CNBD1: variants seen among roughly 807,000 people sequenced by gnomAD.
The protein encoded by CNBD1 is cyclic nucleotide binding domain containing 1, also known as cyclic nucleotide-binding domain-containing protein 1.
In CNBD1, 71 loss-of-function variants were observed where a neutral mutation model predicts 54.4. The ratio of observed to expected loss-of-function variants is 1.30; its 90% CI spans 1.08 to 1.59. The LOEUF (loss-of-function observed/expected upper bound fraction) is 1.59, where lower values mean the gene tolerates loss of function less well. Ranked by LOEUF, CNBD1 falls within the 40% of genes most tolerant of loss-of-function variation. The pLI, the probability that CNBD1 is intolerant of heterozygous loss-of-function variation, is 0.00. For missense variants in CNBD1, 659 were observed against 518.0 expected, an observed-to-expected ratio of 1.27 and a Z score of -2.64; for synonymous variants, 182 against 170.7, an observed-to-expected ratio of 1.07 and a Z score of -0.51.
At chr8:87,271,398 T>A (rs1324601940) in intron 6 of CNBD1, among the ~76,000 whole-genome samples, 2 of 152,018 alleles carry the variant, frequency 1.3e-5, no homozygotes, top group Non-Finnish European at 2.9e-5. Flanking sequence ...TGAACTTATC[T>A]CTTAATACTG....
At position 87,376,141 on chromosome 8, in the gene CNBD1, G is replaced by A. The variant is rs184713080; in HGVS notation, c.1304-6479G>A. On this transcript the variant is annotated intron_variant, in intron 10 of 10. Coordinates refer to ENST00000518476, the MANE Select transcript of CNBD1 (RefSeq NM_173538.3). ...ACTGTAAAGGAAATATAGTTTAGAT[G>A]AGCTCTCAGTTCATACTGCTTCAAT... Among the ~76,000 whole-genome samples the A allele has an allele frequency of 5.3e-3, 807 of 152,000 alleles. 5 individuals are homozygous for A. The highest frequency in any genetic ancestry group is 9.3e-3 in the Non-Finnish European group (630 of 67,924).
At chr8:86,903,886 A>G (rs1224119514) in intron 2 of CNBD1, among the ~76,000 whole-genome samples, 11 of 151,732 alleles carry the variant, frequency 7.2e-5, no homozygotes, top group Admixed American at 7.2e-4. Flanking sequence ...TTTCCTGGGA[A>G]GCCTCTAATA....
At chr8:87,138,563 A>G (rs1812307512) in intron 4 of CNBD1, among the ~76,000 whole-genome samples, 1 of 152,192 alleles carries the variant, frequency 6.6e-6, no homozygotes, top group Non-Finnish European at 1.5e-5. Context: ...TAGTGGAAAT[A>G]GTGTTTTCTC....
intron 4 of CNBD1, among the ~76,000 whole-genome samples, chr8:86,995,035 G>A (rs1808837935): frequency 6.6e-6 from 1 of 152,148 alleles, no homozygotes; most frequent in Non-Finnish European, 1.5e-5. Flanking sequence ...CAACTTGTAT[G>A]AGGATCTTTA....
chr8:87,382,597 GT>G, intron 10 of CNBD1, 22 bp from the exon 11 acceptor site: 1 of 1,521,434 alleles, frequency 6.6e-7, no homozygotes, highest in South Asian at 1.2e-5. Context: ...GTAACTTCTT[GT>G]TTGTTTGTTT....
chr8:87,210,372 C>G (rs879428396), intron 5 of CNBD1, among the ~76,000 whole-genome samples: 2 of 152,194 alleles, frequency 1.3e-5, no homozygotes, highest in Admixed American at 1.3e-4. Context: ...GGAGCAACCA[C>G]TTGTTAGAAA....
At chr8:87,366,175 G>A (rs1810637896) in intron 10 of CNBD1, among the ~76,000 whole-genome samples, 1 of 151,994 alleles carries the variant, frequency 6.6e-6, no homozygotes, top group Non-Finnish European at 1.5e-5. Context: ...CAGTTTTGTA[G>A]GTCAGATGTC....
intron 4 of CNBD1, among the ~76,000 whole-genome samples, chr8:86,995,614 A>G (rs1054970298): frequency 6.6e-6 from 1 of 152,110 alleles, no homozygotes; most frequent in Non-Finnish European, 1.5e-5. Context: ...AAGCACAAGG[A>G]CATTAAAGGG....
At chr8:87,106,260 C>T (rs1811534246) in intron 4 of CNBD1, among the ~76,000 whole-genome samples, 1 of 151,480 alleles carries the variant, frequency 6.6e-6, no homozygotes, top group Non-Finnish European at 1.5e-5. Flanking sequence ...GTTGCCCAGG[C>T]AGGAGCACAT....
intron 4 of CNBD1, among the ~76,000 whole-genome samples, chr8:87,108,275 CT>C (rs2130701137): frequency 6.6e-6 from 1 of 152,100 alleles, no homozygotes; most frequent in East Asian, 1.9e-4. Flanking sequence ...AATCGTAATA[CT>C]ACAATTTCAA....
In CNBD1 at chr8:87,207,549, G is replaced by A. The variant is rs930504550; in HGVS notation, c.577+1411G>A. On this transcript the variant is annotated intron_variant, in intron 5 of 10. Coordinates refer to ENST00000518476, the MANE Select transcript of CNBD1 (RefSeq NM_173538.3). Reference sequence around the variant, plus strand: ...TCAAAAATACATATTTTTAAAAATTGTTGCCTTAGTGTAGGGGAGTGAAAT... The same window carrying A: ...TCAAAAATACATATTTTTAAAAATTATTGCCTTAGTGTAGGGGAGTGAAAT... Among the ~76,000 whole-genome samples, 6 of 152,068 alleles carry A rather than the reference G, an allele frequency of 3.9e-5. No individual in the cohort carries two copies. The South Asian group carries it at 6.2e-4, about 16-fold the overall frequency.
At chr8:86,917,513 C>G (rs1809205888) in intron 3 of CNBD1, among the ~76,000 whole-genome samples, 1 of 152,088 alleles carries the variant, frequency 6.6e-6, no homozygotes, top group African/African-American at 2.4e-5. Context: ...CTGAGGGGGT[C>G]TAGAATTTCC....
At chr8:87,097,456 G>A (rs1811343226) in intron 4 of CNBD1, among the ~76,000 whole-genome samples, 1 of 152,126 alleles carries the variant, frequency 6.6e-6, no homozygotes, top group Non-Finnish European at 1.5e-5. Flanking sequence ...ATACTTCGAT[G>A]TGTACCAAGA....
At chr8:87,259,045 C>A (rs1031827507) in intron 6 of CNBD1, among the ~76,000 whole-genome samples, 1 of 152,134 alleles carries the variant, frequency 6.6e-6, no homozygotes, top group Non-Finnish European at 1.5e-5. Flanking sequence ...ATTCTCCTTA[C>A]ACACCTTGTA....
downstream of CNBD1, among the ~76,000 whole-genome samples, chr8:87,383,289 AG>A (rs1293330496): frequency 6.6e-6 from 1 of 152,094 alleles, no homozygotes; most frequent in Non-Finnish European, 1.5e-5. Context: ...GTATAGTTTC[AG>A]TTTATCTTTT....
chr8:87,427,084 G>T (rs191870320), intron 2 of CNBD1, among the ~76,000 whole-genome samples: 46 of 152,232 alleles, frequency 3.0e-4, no homozygotes, highest in Admixed American at 2.6e-3. Flanking sequence ...GGAAAACAAA[G>T]TCAGCAGCAT....
chr8:87,141,202 C>T (rs1812363101), intron 4 of CNBD1, among the ~76,000 whole-genome samples: 1 of 152,044 alleles, frequency 6.6e-6, no homozygotes, highest in Non-Finnish European at 1.5e-5. Context: ...ATAAGTACCA[C>T]ATAAAAATTG....
At chr8:87,367,050 C>T (rs1235910592) in intron 10 of CNBD1, among the ~76,000 whole-genome samples, 3 of 151,980 alleles carry the variant, frequency 2.0e-5, no homozygotes, top group African/African-American at 7.2e-5. Context: ...GCTGAGGGTA[C>T]TTTACTCCCA....
At chr8:87,214,179 T>C (rs926778947) in intron 5 of CNBD1, among the ~76,000 whole-genome samples, 2 of 152,222 alleles carry the variant, frequency 1.3e-5, no homozygotes, top group African/African-American at 4.8e-5. Flanking sequence ...ATCATCAGAA[T>C]GCAAATTTTT....
Sources: gnomAD v4.1 joint callset for allele counts (sites outside exome capture counted in the v4.1 genomes callset) on GRCh38, gnomAD v4.1.1 for gene constraint, MANE v1.5 for transcripts, NCBI Gene and HGNC (gene_info 2026-07-23, HGNC 2026-07-21) for gene names.